Variants in GSR observed in about 807,000 individuals in gnomAD.
The protein encoded by GSR is glutathione reductase, mitochondrial.
In GSR, 48 loss-of-function variants were observed where a neutral mutation model predicts 56.5. The observed-to-expected ratio is 0.85, with a 90% CI of 0.67 to 1.08. GSR has a LOEUF of 1.08. GSR is among the 50% of genes least tolerant of loss of function. The pLI, the probability that GSR is intolerant of heterozygous loss-of-function variation, is 0.00. For missense variants in GSR, 694 were observed against 703.3 expected (o/e 0.99, Z 0.15); for synonymous variants, 264 against 270.8 (o/e 0.97, Z 0.25).
At position 30,681,047 on chromosome 8, in the gene GSR, A is replaced by G; in HGVS notation, c.1286-10T>C. The G allele has an allele frequency of 6.2e-7, 1 of 1,603,306 alleles. No homozygotes were observed. The highest frequency in any genetic ancestry group is 8.5e-7 in the Non-Finnish European group (1 of 1,170,966). On this transcript the variant is annotated splice_polypyrimidine_tract_variant and intron_variant, in intron 11 of 12. Transcript: ENST00000221130. ...TTATGAATGGCTTCATCTACAATGCACATTAAAAAAAGCATCTATCAGAAA... is the reference window on the plus strand; with the variant it reads ...TTATGAATGGCTTCATCTACAATGCGCATTAAAAAAAGCATCTATCAGAAA...
rs111421191 is a variant in GSR, at chr8:30,706,366, G to C, written c.492+1706C>G. Among the ~76,000 whole-genome samples the C allele has an allele frequency of 9.7e-3, 1,480 of 152,024 alleles. 28 individuals are homozygous for C. The highest frequency in any genetic ancestry group is 0.034 in the African/African-American group (1,402 of 41,478). On this transcript the variant is annotated intron_variant, in intron 4 of 12. Coordinates refer to ENST00000221130, the MANE Select transcript of GSR (RefSeq NM_000637.5). The stretch of plus-strand genomic sequence containing the variant: ...AATACAAAAAAAATTAGGCAGGTGT[G>C]GGGGCACGTGCCTGTAGTCCCAGCT...
At chr8:30,699,094 T>C (rs2551710) in intron 6 of GSR, among the ~76,000 whole-genome samples, 52,284 of 151,852 alleles carry the variant, frequency 0.34, 9,344 homozygotes, top group East Asian at 0.43. Context: ...TAGACCAGCC[T>C]GGACAACAGA....
At chr8:30,696,966 C>A (rs567228333) in intron 6 of GSR, among the ~76,000 whole-genome samples, 2 of 151,996 alleles carry the variant, frequency 1.3e-5, no homozygotes, top group East Asian at 3.9e-4. Flanking sequence ...CCCAAAGTGC[C>A]GGCATTACAG....
chr8:30,710,592 C>T (rs1001481844), intron 2 of GSR, among the ~76,000 whole-genome samples: 4 of 150,288 alleles, frequency 2.7e-5, no homozygotes, highest in Non-Finnish European at 5.9e-5. Context: ...TGGTGATGCA[C>T]GCCTGTAGTC....
Position 30,678,830 on chromosome 8 carries a change from C to A in GSR, c.*690G>T, listed in dbSNP as rs572203293. ...AGGTTCTGTGCACTGGCACTGTTTA[C>A]ATGTGAAGAATTGCCATCAACTTCT... On this transcript the variant is annotated 3_prime_UTR_variant, in exon 13 of 13. Transcript: ENST00000221130. 9.8e-5 allele frequency: 15 copies of A among 152,730 alleles called. No individual in the cohort carries two copies. Among genetic ancestry groups the A allele is most frequent in the African/African-American group, 3.6e-4 (15 of 41,538 alleles). The allele number at this position is 152,730 out of a possible 1,614,324, so 9.5% of individuals were successfully genotyped here.
intron 1 of GSR, among the ~76,000 whole-genome samples, chr8:30,712,358 C>T (rs1042457099): frequency 6.6e-6 from 1 of 152,118 alleles, no homozygotes; most frequent in African/African-American, 2.4e-5. Context: ...GAGGACTTCT[C>T]GGGAAAGTAC....
At chr8:30,694,897 CAAA>C (rs780570686) in intron 7 of GSR, among the ~76,000 whole-genome samples, 2 of 100,056 alleles carry the variant, frequency 2.0e-5, no homozygotes, top group Admixed American at 1.1e-4. Context: ...GACTCTGTCT[CAAA>C]AAAAAAAAAA....
At chr8:30,710,755 AAAAAG>A (rs1409384929) in intron 2 of GSR, among the ~76,000 whole-genome samples, 1 of 127,850 alleles carries the variant, frequency 7.8e-6, no homozygotes, top group African/African-American at 3.0e-5. Flanking sequence ...AGAAAAGAAA[AAAAAG>A]AAAAAAAAAT....
intron 9 of GSR, 27 bp from the exon 10 acceptor site, chr8:30,684,226 A>T: frequency 7.8e-7 from 1 of 1,285,356 alleles, no homozygotes; most frequent in Non-Finnish European, 1.1e-6. Flanking sequence ...ATATCATGTA[A>T]CCACTTGGCC....
At chr8:30,704,101 G>A (rs549419184) in intron 4 of GSR, among the ~76,000 whole-genome samples, 4 of 152,084 alleles carry the variant, frequency 2.6e-5, no homozygotes, top group East Asian at 1.9e-4. Flanking sequence ...GAGGCAGGCA[G>A]ATCACCTGAG....
At chr8:30,712,879 G>A (rs148194000) in intron 1 of GSR, among the ~76,000 whole-genome samples, 6 of 152,270 alleles carry the variant, frequency 3.9e-5, no homozygotes, top group African/African-American at 1.2e-4. Flanking sequence ...TTGGCCTAAA[G>A]AAGTAACCAA....
intron 5 of GSR, among the ~76,000 whole-genome samples, 172 bp downstream of exon 5, chr8:30,702,921 G>C (rs1803791055): frequency 6.6e-6 from 1 of 152,154 alleles, no homozygotes; most frequent in Non-Finnish European, 1.5e-5. Flanking sequence ...CTGGGCGACT[G>C]CATCACTAGC....
At chr8:30,694,766 G>A (rs747679326) in intron 7 of GSR, among the ~76,000 whole-genome samples, 3 of 151,932 alleles carry the variant, frequency 2.0e-5, no homozygotes, top group Non-Finnish European at 4.4e-5. Flanking sequence ...GGGTGTGGTG[G>A]CATGTTCCTG....
chr8:30,699,184 G>A (rs1406317536), intron 6 of GSR, among the ~76,000 whole-genome samples: 1 of 152,010 alleles, frequency 6.6e-6, no homozygotes, highest in Admixed American at 6.6e-5. Context: ...CCAGCTACTC[G>A]GGAGGCTGAG....
chr8:30,701,911 C>A (rs1205266766), intron 5 of GSR, among the ~76,000 whole-genome samples: 10 of 151,258 alleles, frequency 6.6e-5, no homozygotes, highest in African/African-American at 2.4e-4. Flanking sequence ...TCCTTATAAT[C>A]TAGCTGGGAA....
chr8:30,682,095 ACTGT>A, intron 10 of GSR, 34 bp from the exon 11 acceptor site: 1 of 1,597,054 alleles, frequency 6.3e-7, no homozygotes, highest in Non-Finnish European at 8.6e-7. Context: ...TGTTTATCTT[ACTGT>A]CTGTTTTAAC....
At chr8:30,725,881 CAA>C (rs59192685) in intron 1 of GSR, among the ~76,000 whole-genome samples, 14 of 60,036 alleles carry the variant, frequency 2.3e-4, no homozygotes, top group Admixed American at 4.0e-4. Flanking sequence ...GACTCCCTCT[CAA>C]AAAAAAAAAA....
chr8:30,726,235 C>T lies in GSR; in HGVS notation c.306+1295G>A, dbSNP rs574339560. 1.1e-4 allele frequency among the ~76,000 whole-genome samples: 16 copies of T among 152,286 alleles called. No individual in the cohort carries two copies. The South Asian group carries it at 3.1e-3, about 30-fold the overall frequency. The stretch of plus-strand genomic sequence containing the variant: ...TGTCCATTTTTAGTTTCATTCATTG[C>T]ACAAGTGCTTATTGAGCAAGGGATT... On this transcript the variant is annotated intron_variant, in intron 1 of 12. Transcript: ENST00000221130.
chr8:30,724,453 T>C (rs1293302709), intron 1 of GSR, among the ~76,000 whole-genome samples: 4 of 152,010 alleles, frequency 2.6e-5, no homozygotes, highest in African/African-American at 4.8e-5. Context: ...TGCTCCAAAT[T>C]TGATTACACA....
Sources: allele counts gnomAD v4.1 joint callset (sites outside exome capture counted in the v4.1 genomes callset), GRCh38; gene constraint gnomAD v4.1.1; transcripts MANE v1.5; gene names NCBI Gene and HGNC (gene_info 2026-07-23, HGNC 2026-07-21).